B3GALT1: variants seen among roughly 807,000 people sequenced by gnomAD.
B3GALT1 encodes the protein beta-1,3-galactosyltransferase 1.
In B3GALT1, 10 loss-of-function variants were observed where a neutral mutation model predicts 23.2. The ratio of observed to expected loss-of-function variants is 0.43; its 90% CI spans 0.27 to 0.73. The LOEUF is 0.73. Ranked by LOEUF, B3GALT1 falls within the 30% of genes least tolerant of loss-of-function variation. The probability of loss-of-function intolerance (pLI) is 0.21; values close to 1 mark genes in which losing one functional copy is unlikely to be tolerated. For missense variants in B3GALT1, 299 were observed against 405.4 expected (o/e 0.74, Z 2.25); for synonymous variants, 156 against 141.5 (o/e 1.10, Z -0.73).
At chr2:167,737,110 T>C (rs1050328267) in intron 3 of B3GALT1, among the ~76,000 whole-genome samples, 14 of 152,244 alleles carry the variant, frequency 9.2e-5, no homozygotes, top group Non-Finnish European at 1.8e-4. Flanking sequence ...TGTTTAGATC[T>C]CCTTGTCTTT....
chr2:167,415,216 T>C (rs1698450042), intron 1 of B3GALT1, among the ~76,000 whole-genome samples: 1 of 152,176 alleles, frequency 6.6e-6, no homozygotes, highest in African/African-American at 2.4e-5. Context: ...CATGAATGGA[T>C]TAATGGGTTA....
intron 3 of B3GALT1, among the ~76,000 whole-genome samples, chr2:167,783,453 T>A (rs898174782): frequency 6.6e-6 from 1 of 152,138 alleles, no homozygotes; most frequent in Non-Finnish European, 1.5e-5. Flanking sequence ...CGCCTGACTC[T>A]GAGTCACTAT....
At chr2:167,397,231 T>G (rs370916266) in intron 1 of B3GALT1, among the ~76,000 whole-genome samples, 3 of 151,968 alleles carry the variant, frequency 2.0e-5, no homozygotes, top group African/African-American at 7.2e-5. Context: ...TCTCCTTCCT[T>G]TCTTCCCTCC....
intron 3 of B3GALT1, among the ~76,000 whole-genome samples, chr2:167,676,140 C>T (rs560187328): frequency 3.3e-5 from 5 of 152,134 alleles, no homozygotes; most frequent in Non-Finnish European, 5.9e-5. Flanking sequence ...GCTGCTCCTC[C>T]CTCTCCCAGA....
At chr2:167,503,602 G>A (rs16853681) in intron 2 of B3GALT1, among the ~76,000 whole-genome samples, 2,133 of 152,152 alleles carry the variant, frequency 0.014, 50 homozygotes, top group East Asian at 0.11. Context: ...TTGACCAAAC[G>A]TACTCTTCCC....
intron 1 of B3GALT1, among the ~76,000 whole-genome samples, chr2:167,445,690 C>T (rs1698973270): frequency 6.6e-6 from 1 of 151,246 alleles, no homozygotes; most frequent in Non-Finnish European, 1.5e-5. Flanking sequence ...GGAACCCCTG[C>T]TTTTTTTTTG....
At chr2:167,660,890 A>G (rs775535719) in intron 3 of B3GALT1, among the ~76,000 whole-genome samples, 48 of 152,156 alleles carry the variant, frequency 3.2e-4, no homozygotes, top group Non-Finnish European at 5.7e-4. Flanking sequence ...AAATCAATAG[A>G]ATAAAGTAAT....
In B3GALT1 at chr2:167,456,428, A is replaced by G. The variant is rs74634679; in HGVS notation, c.-510-33749A>G. 5.8e-3 allele frequency among the ~76,000 whole-genome samples: 883 copies of G among 152,334 alleles called. 10 individuals are homozygous for G. The highest frequency in any genetic ancestry group is 0.02 in the African/African-American group (847 of 41,570). The stretch of plus-strand genomic sequence containing the variant: ...AACATGAAATGTGGAGAAGACATAC[A>G]TCCAAACCACAACAGACCCCCTAAC... On this transcript the variant is annotated intron_variant, in intron 1 of 4. Transcript: ENST00000392690.
intron 1 of B3GALT1, among the ~76,000 whole-genome samples, chr2:167,387,840 C>T (rs1697950946): frequency 6.6e-6 from 1 of 152,144 alleles, no homozygotes; most frequent in Non-Finnish European, 1.5e-5. Context: ...AGTTGCCTTA[C>T]TTTGTGCATC....
chr2:167,457,481 C>T (rs1699189980), intron 1 of B3GALT1, among the ~76,000 whole-genome samples: 1 of 151,856 alleles, frequency 6.6e-6, no homozygotes, highest in African/African-American at 2.4e-5. Flanking sequence ...CCTTCATCAG[C>T]TTCTTTACAG....
intron 1 of B3GALT1, among the ~76,000 whole-genome samples, chr2:167,330,116 C>G (rs1036997847): frequency 4.1e-5 from 6 of 146,766 alleles, no homozygotes; most frequent in African/African-American, 1.7e-4. Context: ...TTTTCTAACC[C>G]TTTCATTCCT....
At chr2:167,552,905 G>A (rs1683774547) in intron 2 of B3GALT1, among the ~76,000 whole-genome samples, 1 of 152,004 alleles carries the variant, frequency 6.6e-6, no homozygotes. Context: ...ATATGTTTCT[G>A]GTCCTTAAAT....
At chr2:167,463,865 A>G (rs1699304447) in intron 1 of B3GALT1, among the ~76,000 whole-genome samples, 1 of 152,198 alleles carries the variant, frequency 6.6e-6, no homozygotes, top group Admixed American at 6.5e-5. Context: ...AAATTTTACT[A>G]CAAAGACAGG....
At chr2:167,363,734 C>T (rs1038871439) in intron 1 of B3GALT1, among the ~76,000 whole-genome samples, 17 of 152,276 alleles carry the variant, frequency 1.1e-4, no homozygotes, top group African/African-American at 4.1e-4. Flanking sequence ...ATTTCCTTGA[C>T]TTATTTTTGT....
intron 3 of B3GALT1, among the ~76,000 whole-genome samples, chr2:167,752,568 A>C (rs1042005677): frequency 6.7e-6 from 1 of 148,758 alleles, no homozygotes; most frequent in Non-Finnish European, 1.5e-5. Context: ...GAATAATAGC[A>C]TCCTCCCCCC....
chr2:167,518,480 A>G (rs886216942), intron 2 of B3GALT1, among the ~76,000 whole-genome samples: 2 of 152,210 alleles, frequency 1.3e-5, no homozygotes, highest in African/African-American at 4.8e-5. Flanking sequence ...TTAGGGTAAA[A>G]TGTGAGAGAA....
At chr2:167,461,896 A>G (rs1333987132) in intron 1 of B3GALT1, among the ~76,000 whole-genome samples, 2 of 152,222 alleles carry the variant, frequency 1.3e-5, no homozygotes, top group Admixed American at 6.5e-5. Context: ...ATGTGTATGA[A>G]CATGTATGTT....
chr2:167,459,128 G>A (rs751155375), intron 1 of B3GALT1, among the ~76,000 whole-genome samples: 20 of 152,108 alleles, frequency 1.3e-4, no homozygotes, highest in Non-Finnish European at 2.5e-4. Flanking sequence ...TAGTGTCAAT[G>A]AGAGAGTTAA....
chr2:167,717,072 G>A (rs1574228447), intron 3 of B3GALT1, among the ~76,000 whole-genome samples: 1 of 152,136 alleles, frequency 6.6e-6, no homozygotes, highest in Admixed American at 6.5e-5. Flanking sequence ...ATTAGAATCT[G>A]TGAAAATAAA....
Sources: allele counts gnomAD v4.1 joint callset (sites outside exome capture counted in the v4.1 genomes callset), GRCh38; gene constraint gnomAD v4.1.1; transcripts MANE v1.5; gene names NCBI Gene and HGNC (gene_info 2026-07-23, HGNC 2026-07-21).